KIF27: variants seen among roughly 807,000 people sequenced by gnomAD.
KIF27 encodes the protein kinesin-like protein KIF27.
In KIF27, 84 loss-of-function variants were observed where a neutral mutation model predicts 141.8. That is an observed-to-expected ratio of 0.59 (90% CI 0.50 to 0.71). KIF27 has a LOEUF of 0.71. KIF27 is among the 30% of genes least tolerant of loss of function. The probability of loss-of-function intolerance (pLI) is 0.00; values close to 1 mark genes in which losing one functional copy is unlikely to be tolerated. For synonymous variants in KIF27, 471 were observed against 569.5 expected (o/e 0.83, Z 2.46); for missense variants, 1,306 against 1,628.4 (o/e 0.80, Z 3.41).
chr9:83,893,468 A>G (rs1365633287), intron 5 of KIF27, among the ~76,000 whole-genome samples: 2 of 152,278 alleles, frequency 1.3e-5, no homozygotes, highest in Admixed American at 6.5e-5. Context: ...TTATCTGATC[A>G]CAATGCAATA....
intron 8 of KIF27, 32 bp from the exon 9 acceptor site, chr9:83,887,228 T>G (rs1952189549): frequency 7.3e-7 from 1 of 1,375,790 alleles, no homozygotes; most frequent in Non-Finnish European, 9.7e-7. Context: ...TAAAACTATC[T>G]GCTGGTAAAA....
rs529142581 is a variant in KIF27 at position 83,846,016 on chromosome 9, C to T, written c.3557-3615G>A. On this transcript the variant is annotated intron_variant, in intron 16 of 17. Coordinates refer to ENST00000297814, the MANE Select transcript of KIF27 (RefSeq NM_017576.4). Reference sequence around the variant, plus strand: ...TTTCCCCAGCCACCCCTGTCATTGCCCAATGGGCCCATGAACAAAGTGGCC... The same window carrying T: ...TTTCCCCAGCCACCCCTGTCATTGCTCAATGGGCCCATGAACAAAGTGGCC... Among the ~76,000 whole-genome samples the T allele has an allele frequency of 1.4e-4, 22 of 152,208 alleles. No individual in the cohort carries two copies. The South Asian group carries it at 2.3e-3, about 16-fold the overall frequency.
At chr9:83,849,918 G>C (rs1196384513) in intron 16 of KIF27, among the ~76,000 whole-genome samples, 181 bp downstream of exon 16, 2 of 152,138 alleles carry the variant, frequency 1.3e-5, no homozygotes, top group Non-Finnish European at 2.9e-5. Context: ...AGCACGAATA[G>C]CCCTACAACA....
intron 15 of KIF27, among the ~76,000 whole-genome samples, chr9:83,850,587 C>A (rs1948441610): frequency 6.6e-6 from 1 of 151,764 alleles, no homozygotes; most frequent in South Asian, 2.1e-4. Context: ...TCGAGACCAA[C>A]CTGACCAACA....
intron 16 of KIF27, chr9:83,847,958 A>G (rs1947515014): frequency 6.8e-6 from 1 of 146,750 alleles, no homozygotes; most frequent in African/African-American, 2.5e-5. Flanking sequence ...ATATATTTAT[A>G]TAATATAAAT....
chr9:83,850,062 A>C (rs758666146), intron 16 of KIF27, 37 bp downstream of exon 16: 2 of 1,544,152 alleles, frequency 1.3e-6, no homozygotes, highest in African/African-American at 2.7e-5. Context: ...CCACACCTAC[A>C]CATCAACCTT....
chr9:83,905,418 T>C (rs1324042780), intron 3 of KIF27, among the ~76,000 whole-genome samples: 1 of 152,160 alleles, frequency 6.6e-6, no homozygotes, highest in Non-Finnish European at 1.5e-5. Flanking sequence ...GCACCCGGCC[T>C]ATATCCAAAA....
chr9:83,842,470 T>C (rs1946684200), intron 16 of KIF27, 69 bp from the exon 17 acceptor site: 5 of 1,444,230 alleles, frequency 3.5e-6, no homozygotes, highest in Non-Finnish European at 4.5e-6. Flanking sequence ...TTTTGTTTGT[T>C]TGTTTTTTTT....
rs367896750 is a variant in KIF27, at chr9:83,903,418, C to T, written c.1100G>A (p.Arg367Gln). The change falls in exon 4 of 18, where the codon CGA becomes CAA. Residue 367 changes from arginine to glutamine, a missense_variant. Arg to Gln is a conservative substitution (Grantham distance 43). This residue lies in a region of KIF27 where 533 missense variants were observed against 565.6 expected (regional missense o/e 0.94). Coordinates refer to ENST00000297814, the MANE Select transcript of KIF27 (RefSeq NM_017576.4). ...DEMEFEIKLLREALQSQQAGV... is the reference protein window; with the variant it reads ...DEMEFEIKLLQEALQSQQAGV... Reference sequence around the variant, plus strand: ...AGCCTGCTGGCTTTGCAAAGCTTCTCGAAGCAATTTAATCTCAAATTCCAT... The same window carrying T: ...AGCCTGCTGGCTTTGCAAAGCTTCTTGAAGCAATTTAATCTCAAATTCCAT... 6 of 1,613,824 alleles carry T rather than the reference C, an allele frequency of 3.7e-6. No homozygotes were observed. The African/African-American group carries it at 4.0e-5, about 11-fold the overall frequency.
Position 83,870,587 on chromosome 9 carries a change from C to T in KIF27, c.2689G>A (p.Ala897Thr), listed in dbSNP as rs1483659279. 1.2e-6 allele frequency: 2 copies of T among 1,613,804 alleles called. No individual in the cohort carries two copies. The highest frequency in any genetic ancestry group is 4.5e-5 in the East Asian group (2 of 44,886). ...AAGTTACATGCATCAAGGTCCTCAG[C>T]TTTCGGTTTTAGACCTTCTTCCTGT... ...TGQEEGLKPK[A>T]EDLDACNLKR... Residue 897 changes from alanine (A) to threonine (T), a missense_variant, in exon 12 of 18, where the codon GCT (alanine) becomes ACT (threonine). Around this residue, in one of 4 missense-constraint regions of KIF27, gnomAD observed 596 missense variants for 751.6 expected, o/e 0.79. Transcript: ENST00000297814.
At chr9:83,884,809 C>G (rs1228953216) in intron 9 of KIF27, among the ~76,000 whole-genome samples, 1 of 152,186 alleles carries the variant, frequency 6.6e-6, no homozygotes, top group Non-Finnish European at 1.5e-5. Flanking sequence ...TGTTATGTCT[C>G]TTAAGAATCT....
At chr9:83,872,506 A>G (rs1246634096) in intron 11 of KIF27, among the ~76,000 whole-genome samples, 1 of 152,204 alleles carries the variant, frequency 6.6e-6, no homozygotes, top group Non-Finnish European at 1.5e-5. Context: ...ATACTTTTAT[A>G]GCAATTTGAC....
At chr9:83,861,181 T>TTTTATA (rs372826730) in intron 13 of KIF27, among the ~76,000 whole-genome samples, 37 of 149,442 alleles carry the variant, frequency 2.5e-4, no homozygotes, top group African/African-American at 8.6e-4. Flanking sequence ...GGCTATTTCT[T>TTTTATA]TATATATATA....
chr9:83,917,870 G>A (rs1356789813), intron 1 of KIF27, among the ~76,000 whole-genome samples: 2 of 152,070 alleles, frequency 1.3e-5, no homozygotes, highest in Non-Finnish European at 1.5e-5. Flanking sequence ...AACTCTTTAT[G>A]ACCTTGGATT....
intron 12 of KIF27, among the ~76,000 whole-genome samples, chr9:83,870,161 A>C (rs1950657169): frequency 6.6e-6 from 1 of 151,936 alleles, no homozygotes; most frequent in South Asian, 2.1e-4. Flanking sequence ...CTATCTATCT[A>C]TCTATCTACC....
At chr9:83,844,416 G>A (rs771569065) in intron 16 of KIF27, among the ~76,000 whole-genome samples, 2 of 149,792 alleles carry the variant, frequency 1.3e-5, no homozygotes, top group African/African-American at 5.0e-5. Flanking sequence ...CCCTAATACA[G>A]GTTTTGGTAC....
At chr9:83,865,940 A>G (rs1950319273) in intron 13 of KIF27, among the ~76,000 whole-genome samples, 2 of 152,222 alleles carry the variant, frequency 1.3e-5, no homozygotes, top group East Asian at 1.9e-4. Context: ...AAATATGCCA[A>G]TCTCCGGCTA....
At chr9:83,838,524 C>T (rs1045995610) in intron 17 of KIF27, among the ~76,000 whole-genome samples, 52 of 152,254 alleles carry the variant, frequency 3.4e-4, no homozygotes, top group African/African-American at 1.1e-3. Context: ...CATGAGCCAC[C>T]GCACCTGGCC....
chr9:83,882,197 T>C (rs764968815), intron 10 of KIF27, among the ~76,000 whole-genome samples: 1 of 152,088 alleles, frequency 6.6e-6, no homozygotes, highest in Non-Finnish European at 1.5e-5. Flanking sequence ...ACTGCGTCTC[T>C]ACTAAAAATA....
Sources: gnomAD v4.1 joint callset for allele counts (sites outside exome capture counted in the v4.1 genomes callset) on GRCh38, gnomAD v4.1.1 for gene constraint, gnomAD v4.1.1 regional missense constraint, MANE v1.5 for transcripts, NCBI Gene and HGNC (gene_info 2026-07-23, HGNC 2026-07-21) for gene names.